MACROD2: variants seen among roughly 807,000 people sequenced by gnomAD.
MACROD2 encodes ADP-ribose glycohydrolase MACROD2.
A neutral mutation model predicts 70.4 loss-of-function variants in MACROD2; 36 were observed. The observed-to-expected ratio is 0.51, with a 90% confidence interval of 0.39 to 0.68. The LOEUF is 0.68. Among genes scored for constraint, MACROD2 ranks in the 30% least tolerant of loss-of-function variants. The pLI is 0.00. For synonymous variants in MACROD2, 172 were observed against 178.8 expected (o/e 0.96, Z 0.30); for missense variants, 496 against 538.4 (o/e 0.92, Z 0.78).
chr20:14,646,325 G>T lies in MACROD2; in HGVS notation c.302-38518G>T, dbSNP rs558701471. On this transcript the variant is annotated intron_variant, in intron 4 of 17. Coordinates refer to ENST00000684519, the MANE Select transcript of MACROD2 (RefSeq NM_001351661.2). Reference sequence around the variant, plus strand: ...CTCATAAAAGCACTTATGTTCCATGGTATGTCATAAAACTTGTGATGAAAA... The same window carrying T: ...CTCATAAAAGCACTTATGTTCCATGTTATGTCATAAAACTTGTGATGAAAA... 3.3e-5 allele frequency among the ~76,000 whole-genome samples: 5 copies of T among 152,076 alleles called. No homozygotes were observed. The East Asian group carries it at 9.6e-4, about 29-fold the overall frequency.
intron 2 of MACROD2, among the ~76,000 whole-genome samples, chr20:14,056,186 A>T (rs2053628959): frequency 1.3e-5 from 2 of 152,054 alleles, no homozygotes; most frequent in Non-Finnish European, 2.9e-5. Flanking sequence ...TGTTCAGTTT[A>T]AAAAAATTAT....
At chr20:15,968,298 TCA>T (rs2066173289) in intron 13 of MACROD2, among the ~76,000 whole-genome samples, 2 of 152,188 alleles carry the variant, frequency 1.3e-5, no homozygotes, top group East Asian at 3.9e-4. Context: ...GAAAATGGAG[TCA>T]CAGTTTCCAG....
At chr20:15,276,979 G>A (rs182539263) in intron 6 of MACROD2, among the ~76,000 whole-genome samples, 2 of 152,312 alleles carry the variant, frequency 1.3e-5, no homozygotes, top group East Asian at 1.9e-4. Flanking sequence ...ATTGGTATCA[G>A]TGTGAATGCC....
intron 8 of MACROD2, among the ~76,000 whole-genome samples, chr20:15,724,231 A>G (rs901246208): frequency 1.2e-4 from 18 of 151,822 alleles, no homozygotes; most frequent in Admixed American, 9.2e-4. Flanking sequence ...TTATCTTTTC[A>G]TTTTCTTGAC....
chr20:15,707,152 A>G (rs2050546885), intron 8 of MACROD2, among the ~76,000 whole-genome samples: 1 of 152,182 alleles, frequency 6.6e-6, no homozygotes, highest in Non-Finnish European at 1.5e-5. Flanking sequence ...ATTACATGAA[A>G]ACATCAGTGG....
At chr20:15,688,750 T>C (rs1408376225) in intron 8 of MACROD2, among the ~76,000 whole-genome samples, 6 of 152,250 alleles carry the variant, frequency 3.9e-5, no homozygotes, top group Non-Finnish European at 1.5e-5. Flanking sequence ...CTTTTCTTTT[T>C]CAGTGGGTCC....
At chr20:14,138,378 G>A (rs1486088702) in intron 3 of MACROD2, among the ~76,000 whole-genome samples, 3 of 152,076 alleles carry the variant, frequency 2.0e-5, no homozygotes, top group East Asian at 3.8e-4. Flanking sequence ...TGATGGATGA[G>A]TGCATACAGA....
At chr20:15,551,616 C>T (rs1233721) in intron 8 of MACROD2, among the ~76,000 whole-genome samples, 11,090 of 152,094 alleles carry the variant, frequency 0.073, 581 homozygotes, top group African/African-American at 0.14. Flanking sequence ...CGGTGGCTCA[C>T]GCCTGTAATC....
At chr20:15,033,116 C>CG (rs1012733889) in intron 5 of MACROD2, among the ~76,000 whole-genome samples, 1 of 151,914 alleles carries the variant, frequency 6.6e-6, no homozygotes, top group African/African-American at 2.4e-5. Context: ...AGTTTCAGTA[C>CG]GGGGGATGAA....
chr20:15,069,933 C>T (rs1325080875), intron 5 of MACROD2, among the ~76,000 whole-genome samples: 1 of 152,170 alleles, frequency 6.6e-6, no homozygotes, highest in East Asian at 1.9e-4. Flanking sequence ...AAGGGGTTGC[C>T]ACCCTCTAGA....
chr20:15,693,395 A>G (rs1169463456), intron 8 of MACROD2, among the ~76,000 whole-genome samples: 2 of 152,028 alleles, frequency 1.3e-5, no homozygotes, highest in African/African-American at 4.8e-5. Context: ...GCTGTTTGCT[A>G]CCTGTGGATT....
chr20:14,330,021 T>G (rs2082804673), intron 3 of MACROD2, among the ~76,000 whole-genome samples: 1 of 151,994 alleles, frequency 6.6e-6, no homozygotes, highest in African/African-American at 2.4e-5. Context: ...TGTTCTAATT[T>G]TCTTTTAGCA....
chr20:15,051,892 C>A (rs2075444884), intron 5 of MACROD2, among the ~76,000 whole-genome samples: 1 of 151,944 alleles, frequency 6.6e-6, no homozygotes, highest in Non-Finnish European at 1.5e-5. Context: ...GCTGGGACTA[C>A]AGGCACGCGC....
At chr20:15,789,374 A>T (rs549002971) in intron 8 of MACROD2, among the ~76,000 whole-genome samples, 1 of 152,268 alleles carries the variant, frequency 6.6e-6, no homozygotes, top group African/African-American at 2.4e-5. Context: ...CTAACATAAA[A>T]TCATATGACC....
intron 6 of MACROD2, among the ~76,000 whole-genome samples, chr20:15,360,714 A>C (rs894230277): frequency 6.6e-6 from 1 of 152,058 alleles, no homozygotes; most frequent in African/African-American, 2.4e-5. Flanking sequence ...GTTTCTCTAC[A>C]TCCTTGCCAG....
In MACROD2 at chr20:14,326,088, T is replaced by C; in HGVS notation, c.272-167391T>C. On this transcript the variant is annotated intron_variant, in intron 3 of 17. Transcript: ENST00000684519. This position sits in a 1 kb window ranked among gnomAD's most constrained non-coding sequence, Gnocchi z 5.5. ...TGGGAACCATGCATACTTTATAGGGTGAATCAGGCTCCAGGGCTGTGACCA... is the reference window on the plus strand; with the variant it reads ...TGGGAACCATGCATACTTTATAGGGCGAATCAGGCTCCAGGGCTGTGACCA... The C allele has an allele frequency of 6.2e-7, 1 of 1,613,884 alleles. No individual in the cohort carries two copies. The highest frequency in any genetic ancestry group is 1.3e-5 in the African/African-American group (1 of 75,010).
At chr20:14,978,559 T>C (rs2074764253) in intron 5 of MACROD2, among the ~76,000 whole-genome samples, 2 of 151,912 alleles carry the variant, frequency 1.3e-5, no homozygotes, top group African/African-American at 4.8e-5. Context: ...TTTTTCATTA[T>C]TAGCCACAAA....
intron 5 of MACROD2, among the ~76,000 whole-genome samples, chr20:15,051,901 G>A (rs983067041): frequency 2.0e-5 from 3 of 151,926 alleles, no homozygotes; most frequent in Non-Finnish European, 2.9e-5. Context: ...ACAGGCACGC[G>A]CCACTACGTC....
intron 5 of MACROD2, among the ~76,000 whole-genome samples, chr20:15,216,351 TAAA>T (rs1254832065): frequency 6.6e-6 from 1 of 151,862 alleles, no homozygotes. Flanking sequence ...AATTAAAAAT[TAAA>T]AAATTTAAAA....
Sources: allele counts gnomAD v4.1 joint callset (sites outside exome capture counted in the v4.1 genomes callset), GRCh38; gene constraint gnomAD v4.1.1; non-coding constraint Gnocchi (gnomAD v3.1); transcripts MANE v1.5; gene names NCBI Gene and HGNC (gene_info 2026-07-23, HGNC 2026-07-21).